The following POU6F2 variants were observed in gnomAD, a reference collection of about 807,000 sequenced individuals.
The protein encoded by POU6F2 is POU domain, class 6, transcription factor 2.
A neutral mutation model predicts 71.3 loss-of-function variants in POU6F2; 31 were observed. The observed-to-expected ratio is 0.43, with a 90% CI of 0.33 to 0.59. The LOEUF (loss-of-function observed/expected upper bound fraction) is 0.59, where lower values mean the gene tolerates loss of function less well. POU6F2 is among the 20% of genes least tolerant of loss of function. The pLI, the probability that POU6F2 is intolerant of heterozygous loss-of-function variation, is 0.04. For missense variants in POU6F2, 783 were observed against 856.8 expected, an observed-to-expected ratio of 0.91 and a Z score of 1.07; for synonymous variants, 347 against 355.7, an observed-to-expected ratio of 0.98 and a Z score of 0.27.
chr7:39,173,613 A>G (rs1793269598), intron 2 of POU6F2, among the ~76,000 whole-genome samples: 1 of 152,208 alleles, frequency 6.6e-6, no homozygotes, highest in African/African-American at 2.4e-5. Flanking sequence ...TTGGAAGCTA[A>G]TCACTGCTCT....
chr7:39,430,830 T>C (rs1233846676), intron 6 of POU6F2, among the ~76,000 whole-genome samples: 4 of 152,014 alleles, frequency 2.6e-5, no homozygotes. Flanking sequence ...CTCAGGCTGA[T>C]AGGATGAAAT....
At chr7:39,151,542 C>T (rs1455482903) in intron 2 of POU6F2, among the ~76,000 whole-genome samples, 4 of 152,078 alleles carry the variant, frequency 2.6e-5, no homozygotes, top group Admixed American at 6.6e-5. Flanking sequence ...CATAGTTTGT[C>T]GTGCAGAGAT....
At chr7:39,342,409 G>A (rs1583538865) in intron 5 of POU6F2, among the ~76,000 whole-genome samples, 1 of 152,300 alleles carries the variant, frequency 6.6e-6, no homozygotes, top group South Asian at 2.1e-4. Flanking sequence ...TTTATAAAGT[G>A]TTTTTGTTTG....
At chr7:39,159,767 C>T (rs1374403124) in intron 2 of POU6F2, among the ~76,000 whole-genome samples, 1 of 151,836 alleles carries the variant, frequency 6.6e-6, no homozygotes, top group Admixed American at 6.6e-5. Flanking sequence ...AGTAAATAGG[C>T]AAACTGTGTT....
At chr7:39,377,319 C>CA (rs2115778686) in intron 5 of POU6F2, among the ~76,000 whole-genome samples, 1 of 151,964 alleles carries the variant, frequency 6.6e-6, no homozygotes, top group East Asian at 1.9e-4. Flanking sequence ...TTAGTCGAGA[C>CA]AGAGTTTTGC....
chr7:39,282,847 A>G (rs1583495664), intron 4 of POU6F2, among the ~76,000 whole-genome samples: 1 of 152,138 alleles, frequency 6.6e-6, no homozygotes, highest in East Asian at 1.9e-4. Context: ...TAGGGATTGC[A>G]TTGAATCTAT....
rs924274802 is a variant in POU6F2, at chr7:39,468,094, T to C, written c.*3408T>C. 1 of 152,238 alleles carries C rather than the reference T, an allele frequency of 6.6e-6. No individual in the cohort carries two copies. The highest frequency in any genetic ancestry group is 2.4e-5 in the African/African-American group (1 of 41,466). 9.4% of individuals were successfully genotyped at this position (152,238 alleles called of 1,614,324 possible). A position where few individuals can be genotyped will look rare whatever the true frequency, so the allele number is the denominator to read the frequency against. ...TCAATGTTTGACTGTAAAATCTGTT[T>C]GGATAACATTTTGTAATGAGCTTTT... On this transcript the variant is annotated 3_prime_UTR_variant, in exon 10 of 10. Transcript: ENST00000518318.
At chr7:39,198,776 A>G (rs1793834431) in intron 2 of POU6F2, among the ~76,000 whole-genome samples, 2 of 152,240 alleles carry the variant, frequency 1.3e-5, no homozygotes, top group South Asian at 4.1e-4. Flanking sequence ...AGTGGCAAAC[A>G]GTGGCAGTAG....
chr7:39,454,991 T>C (rs1277241424), intron 8 of POU6F2, among the ~76,000 whole-genome samples: 1 of 151,928 alleles, frequency 6.6e-6, no homozygotes, highest in African/African-American at 2.4e-5. Context: ...TTACCAAACA[T>C]GCAGATTATT....
intron 2 of POU6F2, among the ~76,000 whole-genome samples, chr7:39,181,895 C>G (rs1793442260): frequency 6.6e-6 from 1 of 152,182 alleles, no homozygotes; most frequent in Admixed American, 6.5e-5. Context: ...TGTGAGCTCT[C>G]AGTTCATTTC....
At chr7:39,297,610 A>T (rs185863179) in intron 4 of POU6F2, among the ~76,000 whole-genome samples, 1 of 151,850 alleles carries the variant, frequency 6.6e-6, no homozygotes, top group East Asian at 1.9e-4. Flanking sequence ...AAATAAAAGT[A>T]TGTGTCTTGA....
intron 5 of POU6F2, among the ~76,000 whole-genome samples, chr7:39,352,098 C>A (rs1464096980): frequency 1.3e-5 from 2 of 152,186 alleles, no homozygotes; most frequent in African/African-American, 4.8e-5. Context: ...ATCAGTAACT[C>A]TAAGCTTGGG....
intron 1 of POU6F2, among the ~76,000 whole-genome samples, chr7:38,998,435 A>C (rs1296508368): frequency 6.6e-6 from 1 of 152,208 alleles, no homozygotes; most frequent in African/African-American, 2.4e-5. Context: ...CAATGAGAGA[A>C]GTTTACATCA....
At chr7:39,173,844 C>A (rs184047824) in intron 2 of POU6F2, among the ~76,000 whole-genome samples, 1 of 152,180 alleles carries the variant, frequency 6.6e-6, no homozygotes, top group South Asian at 2.1e-4. Flanking sequence ...GTAGAGGGAA[C>A]CACAGGTTCT....
intron 4 of POU6F2, among the ~76,000 whole-genome samples, chr7:39,322,293 C>T (rs1043268350): frequency 4.6e-5 from 7 of 152,168 alleles, no homozygotes; most frequent in Admixed American, 1.3e-4. Context: ...TTGGCCCTTC[C>T]GCCGCCTGCT....
At chr7:39,125,165 G>A (rs766682730) in intron 2 of POU6F2, among the ~76,000 whole-genome samples, 2 of 151,848 alleles carry the variant, frequency 1.3e-5, no homozygotes, top group African/African-American at 4.8e-5. Context: ...GAAACAATAC[G>A]ACACTGTTTG....
At chr7:39,252,775 T>C (rs1783949598) in intron 4 of POU6F2, among the ~76,000 whole-genome samples, 1 of 152,172 alleles carries the variant, frequency 6.6e-6, no homozygotes, top group Non-Finnish European at 1.5e-5. Flanking sequence ...AGAGGTCCGC[T>C]CATGGCATCT....
At chr7:39,184,720 C>A (rs1793497572) in intron 2 of POU6F2, among the ~76,000 whole-genome samples, 1 of 152,164 alleles carries the variant, frequency 6.6e-6, no homozygotes, top group Non-Finnish European at 1.5e-5. Context: ...TTTTTCTCTC[C>A]TCTTTGGTTT....
chr7:39,045,075 A>G (rs1790264053), intron 1 of POU6F2, among the ~76,000 whole-genome samples: 1 of 151,984 alleles, frequency 6.6e-6, no homozygotes, highest in Admixed American at 6.6e-5. Flanking sequence ...CTGGGTACAC[A>G]GGTATCCATC....
Sources: allele counts gnomAD v4.1 joint callset (sites outside exome capture counted in the v4.1 genomes callset), GRCh38; gene constraint gnomAD v4.1.1; transcripts MANE v1.5; gene names NCBI Gene and HGNC (gene_info 2026-07-23, HGNC 2026-07-21).